The following TCF20 variants were observed in gnomAD, a reference collection of about 807,000 sequenced individuals.
The protein encoded by TCF20 is SPRE-binding protein.
In TCF20, 3 loss-of-function variants were observed where a neutral mutation model predicts 148.6. The ratio of observed to expected loss-of-function variants is 0.02; its 90% confidence interval spans 0.01 to 0.05. The LOEUF is 0.05. Among genes scored for constraint, TCF20 ranks in the 10% least tolerant of loss-of-function variants. The probability of loss-of-function intolerance (pLI) is 1.00; values close to 1 mark genes in which losing one functional copy is unlikely to be tolerated. For synonymous variants in TCF20, 1,049 were observed against 909.5 expected (o/e 1.15, Z -2.76); for missense variants, 2,350 against 2,429.3 (o/e 0.97, Z 0.69).
chr22:42,329,974 C>T (rs546695441), intron 1 of TCF20, among the ~76,000 whole-genome samples: 1 of 152,188 alleles, frequency 6.6e-6, no homozygotes, highest in Non-Finnish European at 1.5e-5. Flanking sequence ...GGAAACCCAC[C>T]CAGCCATCTA....
chr22:42,244,794 A>G (rs984933018), intron 1 of TCF20, among the ~76,000 whole-genome samples: 4 of 152,174 alleles, frequency 2.6e-5, no homozygotes, highest in African/African-American at 9.7e-5. Context: ...ATTTAAAAAA[A>G]TCTGGCTGGG....
intron 1 of TCF20, among the ~76,000 whole-genome samples, chr22:42,250,605 G>C (rs760109517): frequency 1.2e-4 from 19 of 152,108 alleles, no homozygotes; most frequent in Non-Finnish European, 2.6e-4. Context: ...AAAAGACCTA[G>C]TTTGTCCATC....
intron 1 of TCF20, among the ~76,000 whole-genome samples, chr22:42,313,366 A>C (rs1927570651): frequency 1.3e-5 from 2 of 152,184 alleles, no homozygotes; most frequent in Non-Finnish European, 2.9e-5. Context: ...CCTCTCCACA[A>C]GTCAGGAAAG....
At chr22:42,320,169 C>T (rs1376093725) in intron 1 of TCF20, among the ~76,000 whole-genome samples, 1 of 152,226 alleles carries the variant, frequency 6.6e-6, no homozygotes, top group Non-Finnish European at 1.5e-5. Flanking sequence ...CTCCAGTCAC[C>T]CGCCTTCTGG....
At chr22:42,203,395 A>AG (rs1208182278) in intron 2 of TCF20, among the ~76,000 whole-genome samples, 8 of 152,124 alleles carry the variant, frequency 5.3e-5, no homozygotes, top group Non-Finnish European at 1.2e-4. Flanking sequence ...ACCTCTAGAG[A>AG]GAAAAAAAAA....
intron 1 of TCF20, among the ~76,000 whole-genome samples, chr22:42,221,739 G>GTTTTTTTTTGTTTTTTTT (rs1922377261): frequency 1.1e-5 from 1 of 92,820 alleles, no homozygotes; most frequent in African/African-American, 5.1e-5. Flanking sequence ...ATGGCAAAGG[G>GTTTTTTTTTGTTTTTTTT]TTTTTTTTTT....
In TCF20 at chr22:42,214,520, G is replaced by A. The variant is rs374225382; in HGVS notation, c.786C>T (p.Gly262=). Residue 262 remains glycine (G), a synonymous_variant, in exon 2 of 6, where the codon GGC becomes GGT. Transcript: ENST00000677622. ...GAGATCCAGCATTCACATTGTAACT[G>A]CCATCATAGCTCTGTCCAGACTGGC... ...RFSQSGQSYD[G]SYNVNAGSQY... The A allele has an allele frequency of 1.5e-5, 24 of 1,614,070 alleles. No individual in the cohort carries two copies. The African/African-American group carries it at 2.3e-4, about 15-fold the overall frequency.
chr22:42,206,602 T>C (rs1313666450), intron 2 of TCF20, among the ~76,000 whole-genome samples: 4 of 152,158 alleles, frequency 2.6e-5, no homozygotes, highest in African/African-American at 9.7e-5. Flanking sequence ...TCATTGTGTA[T>C]AAACTTCTTA....
At chr22:42,327,830 C>T (rs2147056027) in intron 1 of TCF20, among the ~76,000 whole-genome samples, 2 of 150,882 alleles carry the variant, frequency 1.3e-5, no homozygotes, top group Admixed American at 1.3e-4. Flanking sequence ...CACACCCCTG[C>T]CCTCAGATCC....
chr22:42,331,760 C>T (rs960812074), intron 1 of TCF20, among the ~76,000 whole-genome samples: 3 of 152,254 alleles, frequency 2.0e-5, no homozygotes, highest in Non-Finnish European at 4.4e-5. Flanking sequence ...CACTACCCTG[C>T]GCAGCTGGGC....
chr22:42,161,361 G>A lies in TCF20; in HGVS notation c.*45-3C>T, dbSNP rs1421812434. Reference sequence around the variant, plus strand: ...CCTTCTCATCTCCACAGTCTCACCTGGAAGACAAGGGACACACAGTGAAGG... The same window carrying A: ...CCTTCTCATCTCCACAGTCTCACCTAGAAGACAAGGGACACACAGTGAAGG... On this transcript the variant is annotated splice_polypyrimidine_tract_variant and splice_region_variant and intron_variant, in intron 5 of 5. Coordinates refer to ENST00000677622, the MANE Select transcript of TCF20 (RefSeq NM_001378418.1). The A allele has an allele frequency of 1.7e-5, 28 of 1,613,976 alleles. No individual in the cohort carries two copies. In the Admixed American group the frequency reaches 4.7e-4, roughly 27 times the overall value.
At chr22:42,232,032 C>T (rs1440224351) in intron 1 of TCF20, among the ~76,000 whole-genome samples, 1 of 151,782 alleles carries the variant, frequency 6.6e-6, no homozygotes, top group African/African-American at 2.4e-5. Flanking sequence ...AGTGTTTATA[C>T]ATCTACAGTA....
At chr22:42,336,258 C>T (rs1198276565) in intron 1 of TCF20, among the ~76,000 whole-genome samples, 1 of 152,118 alleles carries the variant, frequency 6.6e-6, no homozygotes, top group Non-Finnish European at 1.5e-5. Flanking sequence ...GCTGGACTGA[C>T]CTGGCATGGC....
intron 1 of TCF20, among the ~76,000 whole-genome samples, chr22:42,260,123 C>T (rs1015771058): frequency 4.6e-5 from 7 of 152,222 alleles, no homozygotes; most frequent in Admixed American, 4.6e-4. Context: ...GAATGACAAA[C>T]AGAAACAACT....
At chr22:42,200,449 T>C (rs1039581379) in intron 2 of TCF20, among the ~76,000 whole-genome samples, 1 of 152,098 alleles carries the variant, frequency 6.6e-6, no homozygotes, top group Non-Finnish European at 1.5e-5. Flanking sequence ...GAGGCCAGCC[T>C]GGCCAACATG....
At chr22:42,336,761 G>C (rs571405135) in intron 1 of TCF20, among the ~76,000 whole-genome samples, 13 of 152,204 alleles carry the variant, frequency 8.5e-5, no homozygotes, top group African/African-American at 3.1e-4. Flanking sequence ...CTTTGCACGG[G>C]CCCCTGACTA....
chr22:42,197,671 C>G (rs146893686), intron 2 of TCF20, among the ~76,000 whole-genome samples: 1 of 152,036 alleles, frequency 6.6e-6, no homozygotes, highest in Non-Finnish European at 1.5e-5. Flanking sequence ...TTAGGGGCAC[C>G]CCTGAAGAAA....
At chr22:42,179,756 T>A in intron 2 of TCF20, 54 bp from the exon 3 acceptor site, 1 of 1,186,290 alleles carries the variant, frequency 8.4e-7, no homozygotes, top group Non-Finnish European at 1.3e-6. Flanking sequence ...GGCCCTCTCC[T>A]CCAGGCCTTC....
chr22:42,316,546 G>A (rs1003714407), intron 1 of TCF20, among the ~76,000 whole-genome samples: 7 of 152,116 alleles, frequency 4.6e-5, no homozygotes, highest in African/African-American at 1.7e-4. Flanking sequence ...CAAGCGATTC[G>A]CCTGTCTCAG....
Sources: allele counts gnomAD v4.1 joint callset (sites outside exome capture counted in the v4.1 genomes callset), GRCh38; gene constraint gnomAD v4.1.1; transcripts MANE v1.5; gene names NCBI Gene and HGNC (gene_info 2026-07-23, HGNC 2026-07-21).